GLT1D1: variants seen among roughly 807,000 people sequenced by gnomAD.
GLT1D1 encodes glycosyltransferase 1 domain-containing protein 1.
A neutral mutation model predicts 28.7 loss-of-function variants in GLT1D1; 21 were observed. That is an observed-to-expected ratio of 0.73 (90% CI 0.52 to 1.05). GLT1D1 has a LOEUF of 1.05. GLT1D1 is among the 50% of genes least tolerant of loss of function. GLT1D1 has a pLI of 0.00. For missense variants in GLT1D1, 343 were observed against 330.6 expected (o/e 1.04, Z -0.29); for synonymous variants, 147 against 124.8 (o/e 1.18, Z -1.19).
Position 128,858,577 on chromosome 12 carries a change from A to G in GLT1D1, c.68+4928A>G, listed in dbSNP as rs1956283406. Among the ~76,000 whole-genome samples the G allele has an allele frequency of 2.6e-5, 4 of 151,962 alleles. No homozygotes were observed. In the South Asian group the frequency reaches 8.3e-4, roughly 32 times the overall value. On this transcript the variant is annotated intron_variant, in intron 1 of 7. Coordinates refer to ENST00000281703, the MANE Select transcript of GLT1D1 (RefSeq NM_144669.3). Reference sequence around the variant, plus strand: ...ATCCCAGCTACTTGGGTGGCTGAGGAAGGAGAATTGCTTGAACCCAGAAGC... The same window carrying G: ...ATCCCAGCTACTTGGGTGGCTGAGGGAGGAGAATTGCTTGAACCCAGAAGC...
intron 4 of GLT1D1, among the ~76,000 whole-genome samples, chr12:128,927,529 C>T (rs1426114662): frequency 2.0e-5 from 3 of 151,986 alleles, no homozygotes; most frequent in African/African-American, 4.8e-5. Flanking sequence ...TGAGCCACCG[C>T]GCCCAGCTTA....
At position 128,928,325 on chromosome 12, in the gene GLT1D1, C is replaced by T. The variant is rs146591012; in HGVS notation, c.376-17001C>T. ...TGGCCGTGACTATGGTGGCCGTGACCGAGGGATGGAGCCCCTGAGAGCCAC... is the reference window on the plus strand; with the variant it reads ...TGGCCGTGACTATGGTGGCCGTGACTGAGGGATGGAGCCCCTGAGAGCCAC... On this transcript the variant is annotated intron_variant, in intron 4 of 7. Coordinates refer to ENST00000281703, the MANE Select transcript of GLT1D1 (RefSeq NM_144669.3). Among the ~76,000 whole-genome samples the T allele has an allele frequency of 4.8e-3, 725 of 152,146 alleles. 9 individuals carry two copies. The highest frequency in any genetic ancestry group is 0.017 in the African/African-American group (695 of 41,510).
Position 128,899,236 on chromosome 12 carries a change from A to G in GLT1D1, c.324A>G (p.Arg108=), listed in dbSNP as rs372745310. 1.3e-4 allele frequency: 207 copies of G among 1,610,940 alleles called. No individual in the cohort carries two copies. Among genetic ancestry groups the G allele is most frequent in the Non-Finnish European group, 1.7e-4 (202 of 1,177,246 alleles). The change falls in exon 4 of 8, where the codon AGA becomes AGG. Residue 108 remains arginine (R), a splice_region_variant and synonymous_variant. Transcript: ENST00000281703. ...TCTATTATTTTTGTTCATTTACTAG[A>G]TTTGCTGTCGCTTTCACAGAGTCAA...
intron 1 of GLT1D1, among the ~76,000 whole-genome samples, chr12:128,874,094 T>TC (rs1956786563): frequency 1.1e-4 from 3 of 26,370 alleles, no homozygotes; most frequent in Non-Finnish European, 2.1e-4. Flanking sequence ...CTTTCTTTCT[T>TC]TCTTTCTCTC....
chr12:128,862,131 C>G (rs1455195021), intron 1 of GLT1D1, among the ~76,000 whole-genome samples: 4 of 151,706 alleles, frequency 2.6e-5, no homozygotes, highest in Admixed American at 6.6e-5. Context: ...GAGTTTGAGA[C>G]CAGCCTGGCT....
intron 1 of GLT1D1, among the ~76,000 whole-genome samples, chr12:128,860,827 A>AC (rs1298741992): frequency 6.6e-6 from 1 of 151,460 alleles, no homozygotes; most frequent in African/African-American, 2.4e-5. Flanking sequence ...AAGGGTCCCC[A>AC]CCCCCCTCTG....
chr12:128,855,242 A>AG (rs995668768), intron 1 of GLT1D1, among the ~76,000 whole-genome samples: 2 of 126,686 alleles, frequency 1.6e-5, no homozygotes, highest in Non-Finnish European at 3.3e-5. Flanking sequence ...AAAAAAAAAA[A>AG]ACAACAACAA....
At chr12:128,895,854 C>T (rs1323321966) in intron 3 of GLT1D1, among the ~76,000 whole-genome samples, 2 of 152,040 alleles carry the variant, frequency 1.3e-5, no homozygotes, top group African/African-American at 4.8e-5. Context: ...TTGGAGCAGC[C>T]CATTTTTGAG....
intron 4 of GLT1D1, among the ~76,000 whole-genome samples, chr12:128,940,175 A>G (rs1302282291): frequency 2.0e-5 from 3 of 151,874 alleles, no homozygotes; most frequent in African/African-American, 7.3e-5. Flanking sequence ...TGTAGCTCTC[A>G]TCGTTATTTT....
At chr12:128,978,894 G>A (rs1880050121) in intron 7 of GLT1D1, among the ~76,000 whole-genome samples, 1 of 152,218 alleles carries the variant, frequency 6.6e-6, no homozygotes, top group Non-Finnish European at 1.5e-5. Flanking sequence ...TCATGGGGCT[G>A]GCGGGAGTGT....
At chr12:128,895,466 T>TTC (rs1869522221) in intron 3 of GLT1D1, among the ~76,000 whole-genome samples, 1 of 151,532 alleles carries the variant, frequency 6.6e-6, no homozygotes, top group South Asian at 2.1e-4. Context: ...CTATTTTTTT[T>TTC]TTTTTTTTGA....
At chr12:128,900,366 A>G (rs1487110621) in intron 4 of GLT1D1, among the ~76,000 whole-genome samples, 1 of 152,170 alleles carries the variant, frequency 6.6e-6, no homozygotes, top group African/African-American at 2.4e-5. Context: ...TGGAATTGCA[A>G]TTTGCAAAAT....
At chr12:128,882,119 A>T (rs1308810520) in intron 2 of GLT1D1, among the ~76,000 whole-genome samples, 2 of 152,196 alleles carry the variant, frequency 1.3e-5, no homozygotes, top group African/African-American at 4.8e-5. Flanking sequence ...TAAAACCTTA[A>T]CAGCTTGGAG....
chr12:128,900,320 A>G (rs932822623), intron 4 of GLT1D1, among the ~76,000 whole-genome samples: 1 of 152,226 alleles, frequency 6.6e-6, no homozygotes, highest in Non-Finnish European at 1.5e-5. Flanking sequence ...AACAGGGCTT[A>G]TGCCCTGATC....
intron 4 of GLT1D1, among the ~76,000 whole-genome samples, chr12:128,932,133 G>A (rs563578624): frequency 3.3e-5 from 5 of 152,296 alleles, no homozygotes; most frequent in African/African-American, 9.6e-5. Flanking sequence ...GGTGCTGCCG[G>A]CTCCTGGCCG....
At chr12:128,911,877 C>A (rs1297648876) in intron 4 of GLT1D1, among the ~76,000 whole-genome samples, 1 of 152,150 alleles carries the variant, frequency 6.6e-6, no homozygotes, top group East Asian at 1.9e-4. Context: ...CGCTTTCCAC[C>A]CGGCTGTCCT....
chr12:128,889,731 C>T (rs1190703986), intron 3 of GLT1D1, among the ~76,000 whole-genome samples: 5 of 152,220 alleles, frequency 3.3e-5, no homozygotes, highest in African/African-American at 1.2e-4. Flanking sequence ...GTGCTGAGCG[C>T]TATGTAATCA....
At chr12:128,914,811 C>T (rs1871937322) in intron 4 of GLT1D1, 122 bp from the exon 6 acceptor site, 3 of 723,988 alleles carry the variant, frequency 4.1e-6, no homozygotes. Flanking sequence ...CAGAGCGAGA[C>T]TCTGTCTCAA....
At chr12:128,958,533 G>A (rs942752258) in intron 7 of GLT1D1, among the ~76,000 whole-genome samples, 4 of 145,896 alleles carry the variant, frequency 2.7e-5, no homozygotes, top group African/African-American at 1.0e-4. Flanking sequence ...TTGAGGTCAG[G>A]AGTTTGAGAC....
Sources: allele counts gnomAD v4.1 joint callset (sites outside exome capture counted in the v4.1 genomes callset), GRCh38; gene constraint gnomAD v4.1.1; transcripts MANE v1.5; gene names NCBI Gene and HGNC (gene_info 2026-07-23, HGNC 2026-07-21).